CNTN2: variants seen among roughly 807,000 people sequenced by gnomAD.
CNTN2 encodes the protein contactin 2, also known as contactin-2.
Under a neutral mutation model 117.5 loss-of-function variants are expected in CNTN2, and 53 were observed. The observed-to-expected ratio is 0.45, with a 90% CI of 0.36 to 0.57. CNTN2 has a LOEUF of 0.57. Among genes scored for constraint, CNTN2 ranks in the 20% least tolerant of loss-of-function variants. The probability of loss-of-function intolerance (pLI) is 0.00; values close to 1 mark genes in which losing one functional copy is unlikely to be tolerated. For synonymous variants in CNTN2, 530 were observed against 561.7 expected (o/e 0.94, Z 0.80); for missense variants, 1,106 against 1,404.3 (o/e 0.79, Z 3.39).
intron 1 of CNTN2, among the ~76,000 whole-genome samples, chr1:205,050,567 A>G (rs1164175009): frequency 6.6e-6 from 1 of 152,216 alleles, no homozygotes; most frequent in Non-Finnish European, 1.5e-5. Context: ...TTATTATAAA[A>G]TAGGCTTTGT....
chr1:205,045,815 C>T (rs536113628), intron 1 of CNTN2, among the ~76,000 whole-genome samples: 77 of 152,270 alleles, frequency 5.1e-4, no homozygotes, highest in African/African-American at 1.8e-3. Context: ...GGAGGTGGGG[C>T]AGTCTCCTTT....
In CNTN2 at chr1:205,065,532, C is replaced by A. The variant is rs1230072042; in HGVS notation, c.1696-257C>A. ...CCCACTACTGTTCTTGTTAGCCTGTCCCCTAGGGCAAATGATATTATTAAT... is the reference window on the plus strand; with the variant it reads ...CCCACTACTGTTCTTGTTAGCCTGTACCCTAGGGCAAATGATATTATTAAT... On this transcript the variant is annotated intron_variant, in intron 13 of 22. Transcript: ENST00000331830. This position sits in a 1 kb window ranked among gnomAD's most constrained non-coding sequence, Gnocchi z 4.1. 5.9e-5 allele frequency among the ~76,000 whole-genome samples: 9 copies of A among 152,060 alleles called. No homozygotes were observed. Among genetic ancestry groups the A allele is most frequent in the Admixed American group, 2.6e-4 (4 of 15,268 alleles).
At chr1:205,070,090 C>T (rs780502791) in intron 18 of CNTN2, 29 bp downstream of exon 18, 9 of 1,602,716 alleles carry the variant, frequency 5.6e-6, no homozygotes, top group Non-Finnish European at 6.8e-6. Context: ...CCCTGCTCGT[C>T]CCTACCCCAG....
Position 205,076,554 on chromosome 1 carries a change from G to A in CNTN2, c.*2789G>A, listed in dbSNP as rs995581978. On this transcript the variant is annotated 3_prime_UTR_variant, in exon 23 of 23. Coordinates refer to ENST00000331830, the MANE Select transcript of CNTN2 (RefSeq NM_005076.5). Reference sequence around the variant, plus strand: ...TCATACATCAAGCCCCAGAGGAGGCGGCAAGAGGAACAGCCACAAACAAGT... The same window carrying A: ...TCATACATCAAGCCCCAGAGGAGGCAGCAAGAGGAACAGCCACAAACAAGT... The A allele has an allele frequency of 6.6e-6, 1 of 152,154 alleles. No homozygotes were observed. The highest frequency in any genetic ancestry group is 1.5e-5 in the Non-Finnish European group (1 of 68,036). The allele number at this position is 152,154 out of a possible 1,614,324, so 9.4% of individuals were successfully genotyped here.
rs1438815854 is a variant in CNTN2 at position 205,078,283 on chromosome 1, G to A, written c.*4518G>A. On this transcript the variant is annotated 3_prime_UTR_variant, in exon 23 of 23. Coordinates refer to ENST00000331830, the MANE Select transcript of CNTN2 (RefSeq NM_005076.5). ...CAGTGGCAGTAAACAATGCTTATGT[G>A]ATGGTACTGCTTCAAGGTGGCCTGA... 1 of 152,196 alleles carries A rather than the reference G, an allele frequency of 6.6e-6. No individual in the cohort carries two copies. Among genetic ancestry groups the A allele is most frequent in the East Asian group, 1.9e-4 (1 of 5,198 alleles). The allele number at this position is 152,196 out of a possible 1,614,324, so 9.4% of individuals were successfully genotyped here.
At chr1:205,070,590 C>T in intron 19 of CNTN2, 52 bp downstream of exon 19, 2 of 1,321,860 alleles carry the variant, frequency 1.5e-6, no homozygotes, top group Non-Finnish European at 2.2e-6. Flanking sequence ...GGCTTCAAAG[C>T]CAGGTGGGAA....
At chr1:205,047,352 C>T (rs947769823) in intron 1 of CNTN2, among the ~76,000 whole-genome samples, 1 of 152,106 alleles carries the variant, frequency 6.6e-6, no homozygotes, top group Non-Finnish European at 1.5e-5. Context: ...CACCACAGAG[C>T]CCTGTACTGA....
intron 2 of CNTN2, among the ~76,000 whole-genome samples, chr1:205,054,916 G>A (rs1224830375): frequency 6.6e-6 from 1 of 152,190 alleles, no homozygotes; most frequent in Non-Finnish European, 1.5e-5. Context: ...TACCAGGACA[G>A]GGCATCAGAA....
chr1:205,055,338 G>A (rs113210837), intron 2 of CNTN2, among the ~76,000 whole-genome samples: 55 of 152,316 alleles, frequency 3.6e-4, no homozygotes, highest in Non-Finnish European at 6.9e-4. Flanking sequence ...CACACACGGG[G>A]AGGCTCATGT....
At chr1:205,072,686 G>A in intron 21 of CNTN2, 91 bp downstream of exon 21, 1 of 912,748 alleles carries the variant, frequency 1.1e-6, no homozygotes, top group Non-Finnish European at 1.8e-6. Context: ...ATAGCAAGAG[G>A]CATCTGAGTG....
rs1574659456 is a variant in CNTN2, at chr1:205,069,962, G to A, written c.2332G>A (p.Val778Ile). 2 of 1,613,600 alleles carry A rather than the reference G, an allele frequency of 1.2e-6. No individual in the cohort carries two copies. Among genetic ancestry groups the A allele is most frequent in the South Asian group, 2.2e-5 (2 of 91,078 alleles). ...AQYFVYSNES[V>I]RPYTPFEVKI... Reference sequence around the variant, plus strand: ...GTACTTTGTCTACAGCAACGAGAGCGTCCGGCCCTACACGCCCTTTGAGGT... The same window carrying A: ...GTACTTTGTCTACAGCAACGAGAGCATCCGGCCCTACACGCCCTTTGAGGT... The change falls in exon 18 of 23, where the codon GTC becomes ATC. Residue 778 changes from valine to isoleucine, a missense_variant. By Grantham distance (29) the Val-to-Ile change is conservative. Transcript: ENST00000331830.
intron 19 of CNTN2, 24 bp downstream of exon 19, chr1:205,070,562 G>A (rs1330532101): frequency 1.3e-6 from 2 of 1,558,342 alleles, no homozygotes; most frequent in Non-Finnish European, 1.8e-6. Context: ...TGGGACTTGG[G>A]AGAGGAAGGG....
chr1:205,059,416 C>A lies in CNTN2; in HGVS notation c.697+123C>A. 2 of 1,157,798 alleles carry A rather than the reference C, an allele frequency of 1.7e-6. No individual in the cohort carries two copies. The highest frequency in any genetic ancestry group is 2.5e-6 in the Non-Finnish European group (2 of 800,880). The allele number at this position is 1,157,798 out of a possible 1,614,324, so 71.7% of individuals were successfully genotyped here. ...CAGGGCACTGATTCCAGGCCCTGGACCCCCAGATCCTCCTGCTTCAAATCC... is the reference window on the plus strand; with the variant it reads ...CAGGGCACTGATTCCAGGCCCTGGAACCCCAGATCCTCCTGCTTCAAATCC... On this transcript the variant is annotated intron_variant, in intron 6 of 22. Transcript: ENST00000331830. The surrounding 1 kb of genome is among the most constrained non-coding windows in gnomAD (Gnocchi z 5.6).
intron 2 of CNTN2, among the ~76,000 whole-genome samples, chr1:205,055,445 C>T (rs4950978): frequency 0.42 from 64,270 of 151,998 alleles, 18,379 homozygotes; most frequent in African/African-American, 0.81. Context: ...GAGTGAGGTG[C>T]CTGCATGGAG....
At position 205,076,536 on chromosome 1, in the gene CNTN2, T is replaced by A. The variant is rs1355483064; in HGVS notation, c.*2771T>A. 1 of 152,136 alleles carries A rather than the reference T, an allele frequency of 6.6e-6. No individual in the cohort carries two copies. The highest frequency in any genetic ancestry group is 1.5e-5 in the Non-Finnish European group (1 of 68,048). 9.4% of individuals were successfully genotyped at this position (152,136 alleles called of 1,614,324 possible). A position where few individuals can be genotyped will look rare whatever the true frequency, so the allele number is the denominator to read the frequency against. On this transcript the variant is annotated 3_prime_UTR_variant, in exon 23 of 23. Coordinates refer to ENST00000331830, the MANE Select transcript of CNTN2 (RefSeq NM_005076.5). ...GTTCTGGGTTATCTCCTCTCATACA[T>A]CAAGCCCCAGAGGAGGCGGCAAGAG...
chr1:205,065,068 G>A lies in CNTN2; in HGVS notation c.1520-19G>A. 7.4e-6 allele frequency: 12 copies of A among 1,613,278 alleles called. No individual in the cohort carries two copies. Among genetic ancestry groups the A allele is most frequent in the Non-Finnish European group, 1.0e-5 (12 of 1,179,666 alleles). ...CATTTCCTCCCCCATCCACCCAAGGGCCTTGTTTTTCTTGGCAGATGCAAC... is the reference window on the plus strand; with the variant it reads ...CATTTCCTCCCCCATCCACCCAAGGACCTTGTTTTTCTTGGCAGATGCAAC... On this transcript the variant is annotated intron_variant, in intron 12 of 22. Coordinates refer to ENST00000331830, the MANE Select transcript of CNTN2 (RefSeq NM_005076.5). The surrounding 1 kb of genome is among the most constrained non-coding windows in gnomAD (Gnocchi z 4.1).
In CNTN2 at chr1:205,059,242, T is replaced by G. The variant is rs1410467425; in HGVS notation, c.646T>G (p.Ser216Ala). 1 of 1,614,196 alleles carries G rather than the reference T, an allele frequency of 6.2e-7. No homozygotes were observed. The highest frequency in any genetic ancestry group is 1.1e-5 in the South Asian group (1 of 91,062). ...TTTGGCCACCAGCCACATGGACTTC[T>G]CCACCAAGAGCGTCTTCAGCAAGTT... ...SCLATSHMDF[S>A]TKSVFSKFAQ... Residue 216 changes from serine (S) to alanine (A), a missense_variant, in exon 6 of 23, where the codon TCC (serine) becomes GCC (alanine). Ser to Ala is a moderately conservative substitution (Grantham distance 99). Transcript: ENST00000331830. The surrounding 1 kb of genome is among the most constrained non-coding windows in gnomAD (Gnocchi z 5.6).
chr1:205,071,597 A>C (rs902692919), intron 19 of CNTN2, among the ~76,000 whole-genome samples: 3 of 152,196 alleles, frequency 2.0e-5, no homozygotes, highest in African/African-American at 7.2e-5. Context: ...ACTACTTTGC[A>C]ATACAAATAA....
rs773641285 is a variant in CNTN2, at chr1:205,062,577, G to A, written c.1240+8G>A. ...CCGAGCTAGCCGTGCAAGGTAAGGG[G>A]CCCAGGGAGGCAGGGGACATCCCAA... On this transcript the variant is annotated splice_region_variant and intron_variant, in intron 10 of 22. Coordinates refer to ENST00000331830, the MANE Select transcript of CNTN2 (RefSeq NM_005076.5). 4 of 1,609,760 alleles carry A rather than the reference G, an allele frequency of 2.5e-6. No individual in the cohort carries two copies. The highest frequency in any genetic ancestry group is 1.7e-5 in the Admixed American group (1 of 59,276).
Sources: allele counts gnomAD v4.1 joint callset (sites outside exome capture counted in the v4.1 genomes callset), GRCh38; gene constraint gnomAD v4.1.1; non-coding constraint Gnocchi (gnomAD v3.1); transcripts MANE v1.5; gene names NCBI Gene and HGNC (gene_info 2026-07-23, HGNC 2026-07-21).